Variants in UGT1A7 observed in about 807,000 individuals in gnomAD.
UGT1A7 encodes UDP glucuronosyltransferase family 1 member A7, also known as UDP-glucuronosyltransferase 1A7.
Under a neutral mutation model 45.6 loss-of-function variants are expected in UGT1A7, and 33 were observed. That is an observed-to-expected ratio of 0.72 (90% CI 0.55 to 0.97). The LOEUF (loss-of-function observed/expected upper bound fraction) is 0.97. Among genes scored for constraint, UGT1A7 ranks in the 50% least tolerant of loss-of-function variants. UGT1A7 has a pLI of 0.00. For missense variants in UGT1A7, 684 were observed against 666.2 expected, an observed-to-expected ratio of 1.03 and a Z score of -0.29; for synonymous variants, 274 against 250.6, an observed-to-expected ratio of 1.09 and a Z score of -0.88.
chr2:233,721,747 T>C, intron 1 of UGT1A7: 1 of 445,298 alleles, frequency 2.2e-6, no homozygotes, highest in South Asian at 1.7e-5. Context: ...GATGAGAGAA[T>C]CTACATCTAA....
At chr2:233,700,033 A>C (rs776085773) in intron 1 of UGT1A7, among the ~76,000 whole-genome samples, 1 of 152,196 alleles carries the variant, frequency 6.6e-6, no homozygotes, top group Non-Finnish European at 1.5e-5. Context: ...AGAAACTCTG[A>C]TCTAAATCAA....
chr2:233,696,160 A>T (rs912176284), intron 1 of UGT1A7, among the ~76,000 whole-genome samples: 1 of 152,238 alleles, frequency 6.6e-6, no homozygotes, highest in African/African-American at 2.4e-5. Flanking sequence ...TATATCCAAA[A>T]GAAAAAAATA....
intron 1 of UGT1A7, chr2:233,713,556 A>G: frequency 1.2e-6 from 2 of 1,613,994 alleles, no homozygotes; most frequent in South Asian, 1.1e-5. Context: ...ACAGTGTCCA[A>G]ACCCTTCCTC....
At chr2:233,717,517 C>T (rs1267847628) in intron 1 of UGT1A7, among the ~76,000 whole-genome samples, 2 of 152,244 alleles carry the variant, frequency 1.3e-5, no homozygotes, top group African/African-American at 2.4e-5. Flanking sequence ...ATGGGAGTAA[C>T]TTCCTCCATA....
chr2:233,760,293 T>A (rs1359528738), intron 1 of UGT1A7: 1 of 1,613,450 alleles, frequency 6.2e-7, no homozygotes, highest in South Asian at 1.1e-5. Flanking sequence ...GCGCCATGGC[T>A]GTGGAGTCCC....
chr2:233,727,313 C>G (rs2077603971), intron 1 of UGT1A7, among the ~76,000 whole-genome samples: 1 of 152,152 alleles, frequency 6.6e-6, no homozygotes, highest in African/African-American at 2.4e-5. Context: ...CCTTCTGTTT[C>G]CCAGGCACCA....
intron 1 of UGT1A7, 59 bp from the exon 2 acceptor site, chr2:233,766,975 T>C (rs1262639275): frequency 2.5e-6 from 4 of 1,612,148 alleles, no homozygotes; most frequent in Non-Finnish European, 2.5e-6. Context: ...TAACTTACTG[T>C]ATGTAGTCAT....
At chr2:233,696,453 T>A (rs1380414494) in intron 1 of UGT1A7, among the ~76,000 whole-genome samples, 1 of 152,248 alleles carries the variant, frequency 6.6e-6, no homozygotes, top group East Asian at 1.9e-4. Flanking sequence ...TAAATGCTAC[T>A]GATTTTTGTA....
rs1290794027 is a variant in UGT1A7, at chr2:233,682,206, T to C, written c.269T>C (p.Phe90Ser). 1 of 1,614,224 alleles carries C rather than the reference T, an allele frequency of 6.2e-7. No individual in the cohort carries two copies. Among genetic ancestry groups the C allele is most frequent in the Middle Eastern group, 1.7e-4 (1 of 6,060 alleles). ...SYTLEDQDREFMVFADARWTA... is the reference protein window; with the variant it reads ...SYTLEDQDRESMVFADARWTA... ...ACTCTGGAGGATCAGGACCGGGAGT[T>C]CATGGTTTTTGCCGATGCTCGCTGG... The change falls in exon 1 of 5, where the codon TTC (phenylalanine) becomes TCC (serine). Residue 90 changes from phenylalanine (F) to serine (S), a missense_variant. Coordinates refer to ENST00000373426, the MANE Select transcript of UGT1A7 (RefSeq NM_019077.3).
Position 233,772,465 on chromosome 2 carries a change from C to T in UGT1A7, c.1499C>T (p.Ala500Val), listed in dbSNP as rs1575871358. ...GFLLAVVLTV[A>V]FITFKCCAYG... ...CTCTTGGCCGTCGTGCTGACAGTGG[C>T]CTTCATCACCTTTAAATGTTGTGCT... Residue 500 changes from alanine to valine, a missense_variant, in exon 5 of 5, where the codon GCC (alanine) becomes GTC (valine). Transcript: ENST00000373426. 1 of 1,614,018 alleles carries T rather than the reference C, an allele frequency of 6.2e-7. No individual in the cohort carries two copies. Among genetic ancestry groups the T allele is most frequent in the African/African-American group, 1.3e-5 (1 of 74,896 alleles).
chr2:233,757,438 T>C (rs528123504), intron 1 of UGT1A7, among the ~76,000 whole-genome samples: 24 of 151,360 alleles, frequency 1.6e-4, no homozygotes, highest in African/African-American at 5.8e-4. Flanking sequence ...AAGTCACTTC[T>C]ATACAGAAAC....
At chr2:233,758,396 C>T (rs560244610) in intron 1 of UGT1A7, among the ~76,000 whole-genome samples, 1 of 152,294 alleles carries the variant, frequency 6.6e-6, no homozygotes, top group South Asian at 2.1e-4. Flanking sequence ...GTGTTTATAG[C>T]CCCTTTACTG....
At position 233,713,714 on chromosome 2, in the gene UGT1A7, A is replaced by G. The variant is rs191146485; in HGVS notation, c.855+30922A>G. On this transcript the variant is annotated intron_variant, in intron 1 of 4. Coordinates refer to ENST00000373426, the MANE Select transcript of UGT1A7 (RefSeq NM_019077.3). ...GCCTTGCCTCTGAGCTTTTTCAGAGAGAGGTGTCAGTGGTGGATCTTGTCA... is the reference window on the plus strand; with the variant it reads ...GCCTTGCCTCTGAGCTTTTTCAGAGGGAGGTGTCAGTGGTGGATCTTGTCA... 9.0e-5 allele frequency: 146 copies of G among 1,613,790 alleles called. 1 individual carries two copies. In the East Asian group the frequency reaches 2.9e-3, roughly 32 times the overall value.
At chr2:233,756,820 A>C (rs1170883344) in intron 1 of UGT1A7, among the ~76,000 whole-genome samples, 1 of 152,072 alleles carries the variant, frequency 6.6e-6, no homozygotes, top group Admixed American at 6.5e-5. Context: ...CTCAATTCCA[A>C]GGGGAAAATG....
At chr2:233,719,295 G>A in intron 1 of UGT1A7, 1 of 1,613,994 alleles carries the variant, frequency 6.2e-7, no homozygotes. Context: ...CCTCTGTGGG[G>A]CGGTGCTGGC....
chr2:233,770,117 C>T (rs1700019979), intron 4 of UGT1A7: 1 of 152,326 alleles, frequency 6.6e-6, no homozygotes, highest in Non-Finnish European at 1.5e-5. Context: ...CTAAGAACAA[C>T]TTGGTGAAAG....
At chr2:233,700,009 G>A (rs1179705204) in intron 1 of UGT1A7, among the ~76,000 whole-genome samples, 2 of 152,160 alleles carry the variant, frequency 1.3e-5, no homozygotes, top group African/African-American at 2.4e-5. Context: ...AAAATGTCAC[G>A]AGTGCTGAAA....
Position 233,693,534 on chromosome 2 carries a change from C to G in UGT1A7, c.855+10742C>G, listed in dbSNP as rs74429718. 3.5e-5 allele frequency: 56 copies of G among 1,614,178 alleles called. No individual in the cohort carries two copies. The highest frequency in any genetic ancestry group is 4.7e-5 in the Non-Finnish European group (55 of 1,180,024). On this transcript the variant is annotated intron_variant, in intron 1 of 4. Transcript: ENST00000373426. Reference sequence around the variant, plus strand: ...TACCTCTTCAGGGGTTTTCCGTGTTCCCTGGAGCATACATTCAGCAGAAGC... The same window carrying G: ...TACCTCTTCAGGGGTTTTCCGTGTTGCCTGGAGCATACATTCAGCAGAAGC...
At chr2:233,702,121 A>G (rs1297535500) in intron 1 of UGT1A7, among the ~76,000 whole-genome samples, 1 of 152,030 alleles carries the variant, frequency 6.6e-6, no homozygotes, top group Non-Finnish European at 1.5e-5. Context: ...ACCTTAGAAC[A>G]TTTTCAGTCA....
Sources: allele counts gnomAD v4.1 joint callset (sites outside exome capture counted in the v4.1 genomes callset), GRCh38; gene constraint gnomAD v4.1.1; transcripts MANE v1.5; gene names NCBI Gene and HGNC (gene_info 2026-07-23, HGNC 2026-07-21).